NELL1: variants seen among roughly 807,000 people sequenced by gnomAD.
NELL1 encodes the protein neural EGFL like 1, also known as protein kinase C-binding protein NELL1.
In NELL1, 76 loss-of-function variants were observed where a neutral mutation model predicts 107.4. The ratio of observed to expected loss-of-function variants is 0.71; its 90% confidence interval spans 0.59 to 0.86. NELL1 has a LOEUF of 0.86. NELL1 is among the 40% of genes least tolerant of loss of function. The pLI, the probability that NELL1 is intolerant of heterozygous loss-of-function variation, is 0.00. For missense variants in NELL1, 1,024 were observed against 1,005.5 expected, an observed-to-expected ratio of 1.02 and a Z score of -0.25; for synonymous variants, 353 against 341.2, an observed-to-expected ratio of 1.03 and a Z score of -0.38.
intron 14 of NELL1, among the ~76,000 whole-genome samples, chr11:21,290,558 C>T (rs1849233123): frequency 6.6e-6 from 1 of 152,098 alleles, no homozygotes; most frequent in African/African-American, 2.4e-5. Context: ...GGAGACACAT[C>T]CCAGGAGGGG....
intron 3 of NELL1, among the ~76,000 whole-genome samples, chr11:20,794,702 G>A (rs56975360): frequency 0.027 from 4,152 of 152,192 alleles, 187 homozygotes; most frequent in African/African-American, 0.094. Context: ...TGATAATGAC[G>A]ATGTTATCTA....
chr11:21,517,969 G>A (rs1270906748), intron 15 of NELL1, among the ~76,000 whole-genome samples: 2 of 151,932 alleles, frequency 1.3e-5, no homozygotes, highest in African/African-American at 4.8e-5. Flanking sequence ...TCCATGGTGA[G>A]CAGCATGAGT....
chr11:21,388,293 T>C (rs1843990365), intron 15 of NELL1, among the ~76,000 whole-genome samples: 1 of 151,818 alleles, frequency 6.6e-6, no homozygotes, highest in African/African-American at 2.4e-5. Flanking sequence ...ACTCACCATG[T>C]GACCTTGATC....
chr11:21,267,083 T>A (rs1189943879), intron 14 of NELL1, among the ~76,000 whole-genome samples: 1 of 151,842 alleles, frequency 6.6e-6, no homozygotes, highest in Non-Finnish European at 1.5e-5. Context: ...TATAGGTATG[T>A]TTCTTTTCTT....
chr11:21,121,446 AC>A (rs1339667300), intron 13 of NELL1, among the ~76,000 whole-genome samples: 1 of 152,118 alleles, frequency 6.6e-6, no homozygotes, highest in African/African-American at 2.4e-5. Context: ...TTTAACTGTG[AC>A]ATTGCTGCTG....
At chr11:21,319,516 A>ATT (rs574077859) in intron 14 of NELL1, among the ~76,000 whole-genome samples, 2 of 120,294 alleles carry the variant, frequency 1.7e-5, no homozygotes, top group African/African-American at 3.1e-5. Context: ...ATATATATAT[A>ATT]TTTTTAGTAG....
At chr11:21,322,408 C>T (rs1271098048) in intron 14 of NELL1, among the ~76,000 whole-genome samples, 1 of 152,106 alleles carries the variant, frequency 6.6e-6, no homozygotes, top group Non-Finnish European at 1.5e-5. Context: ...GGAGGGCATA[C>T]ACCCATTTGT....
intron 2 of NELL1, among the ~76,000 whole-genome samples, chr11:20,708,786 T>A (rs945243981): frequency 9.2e-5 from 14 of 152,276 alleles, no homozygotes; most frequent in African/African-American, 3.4e-4. Context: ...GGTCATGAAG[T>A]CCATGTCTAA....
intron 13 of NELL1, among the ~76,000 whole-genome samples, chr11:21,200,737 G>A (rs913246555): frequency 6.6e-6 from 1 of 152,108 alleles, no homozygotes; most frequent in South Asian, 2.1e-4. Flanking sequence ...GTATTGCCTA[G>A]GTTTTCTTCT....
chr11:20,710,617 T>C (rs1855088234), intron 2 of NELL1, among the ~76,000 whole-genome samples: 1 of 152,170 alleles, frequency 6.6e-6, no homozygotes, highest in Admixed American at 6.5e-5. Flanking sequence ...TTAATATTAA[T>C]TCTTCTTTGA....
Position 21,560,317 on chromosome 11 carries a change from G to A in NELL1, c.1915G>A (p.Gly639Arg), listed in dbSNP as rs1328867777. The change falls in exon 17 of 20, where the codon GGG (glycine) becomes AGG (arginine). Residue 639 changes from glycine (G) to arginine (R), a missense_variant. Transcript: ENST00000357134. ...CTCTGGTGACTGTCCTCATGAAGGG[G>A]GGCTGAAGCACAATGGCCAGGTGTG... ...SCSGDCPHEG[G>R]LKHNGQVWTL... 3.7e-6 allele frequency: 6 copies of A among 1,612,946 alleles called. No individual in the cohort carries two copies. The highest frequency in any genetic ancestry group is 5.1e-6 in the Non-Finnish European group (6 of 1,179,448).
chr11:20,935,224 T>C (rs1380248347), intron 9 of NELL1, among the ~76,000 whole-genome samples: 1 of 152,162 alleles, frequency 6.6e-6, no homozygotes, highest in African/African-American at 2.4e-5. Flanking sequence ...TCATGTGATA[T>C]ATATTCTGTT....
intron 14 of NELL1, among the ~76,000 whole-genome samples, chr11:21,369,270 T>C (rs1483730324): frequency 1.3e-5 from 2 of 151,978 alleles, no homozygotes; most frequent in Admixed American, 6.6e-5. Flanking sequence ...GCCCACAAGG[T>C]ATAATTTTTG....
At chr11:21,280,941 C>G (rs540579079) in intron 14 of NELL1, among the ~76,000 whole-genome samples, 1 of 151,992 alleles carries the variant, frequency 6.6e-6, no homozygotes, top group African/African-American at 2.4e-5. Context: ...GCCAGTGGAC[C>G]TGGAGAACAG....
intron 12 of NELL1, among the ~76,000 whole-genome samples, chr11:20,999,772 T>C (rs1429582466): frequency 6.6e-6 from 1 of 151,736 alleles, no homozygotes; most frequent in Non-Finnish European, 1.5e-5. Context: ...TTAAAAGGTA[T>C]GGACTTCTCT....
intron 3 of NELL1, among the ~76,000 whole-genome samples, chr11:20,787,617 G>T (rs1030853775): frequency 6.6e-6 from 1 of 152,074 alleles, no homozygotes; most frequent in Non-Finnish European, 1.5e-5. Context: ...AGACACCCAG[G>T]TTCTTTTTGT....
intron 15 of NELL1, among the ~76,000 whole-genome samples, chr11:21,487,432 G>C (rs567785060): frequency 6.6e-6 from 1 of 151,652 alleles, no homozygotes; most frequent in African/African-American, 2.4e-5. Context: ...CACAAGATGA[G>C]CCCTACTAAA....
intron 2 of NELL1, among the ~76,000 whole-genome samples, chr11:20,714,444 G>A (rs1052272311): frequency 2.0e-5 from 3 of 151,860 alleles, no homozygotes; most frequent in African/African-American, 7.3e-5. Flanking sequence ...CTGACCTCAG[G>A]TGACCTGCCC....
intron 15 of NELL1, among the ~76,000 whole-genome samples, chr11:21,404,872 G>C (rs1852197278): frequency 6.6e-6 from 1 of 151,980 alleles, no homozygotes; most frequent in Non-Finnish European, 1.5e-5. Flanking sequence ...AAGGGGATCA[G>C]ACTCTCAGTG....
Sources: allele counts gnomAD v4.1 joint callset (sites outside exome capture counted in the v4.1 genomes callset), GRCh38; gene constraint gnomAD v4.1.1; transcripts MANE v1.5; gene names NCBI Gene and HGNC (gene_info 2026-07-23, HGNC 2026-07-21).